The following CARD18 variants were observed in gnomAD, a reference collection of about 807,000 sequenced individuals.
CARD18 encodes the protein caspase recruitment domain-containing protein 18.
Under a neutral mutation model 7.9 loss-of-function variants are expected in CARD18, and 7 were observed. The observed-to-expected ratio is 0.88, with a 90% confidence interval of 0.50 to 1.66. CARD18 has a LOEUF of 1.66. Ranked by LOEUF, CARD18 falls within the 40% of genes most tolerant of loss-of-function variation. The probability of loss-of-function intolerance (pLI) is 0.00; values close to 1 mark genes in which losing one functional copy is unlikely to be tolerated. For synonymous variants in CARD18, 34 were observed against 34.8 expected, an observed-to-expected ratio of 0.98 and a Z score of 0.08; for missense variants, 134 against 105.5, an observed-to-expected ratio of 1.27 and a Z score of -1.18.
intron 2 of CARD18, among the ~76,000 whole-genome samples, 190 bp from the exon 3 acceptor site, chr11:105,138,288 A>G (rs1865430990): frequency 1.3e-5 from 2 of 152,202 alleles, no homozygotes; most frequent in Admixed American, 1.3e-4. Flanking sequence ...GAATCCATAT[A>G]TAATTTCATG....
chr11:105,139,003 C>A lies in CARD18; in HGVS notation c.83G>T (p.Cys28Phe). ...GAGTINALLD[C>F]LLEDEVISQE... ...GCTAATAACTTCATCCTCTAATAGG[C>A]AATCCAGCAAGGCATTTATTGTGCC... is the stretch of plus-strand genomic sequence containing the variant. The change falls in exon 2 of 3, where the codon TGC becomes TTC. Residue 28 changes from cysteine to phenylalanine, a missense_variant. By Grantham distance (205) the Cys-to-Phe change is radical (BLOSUM62 -2). Transcript: ENST00000530950. The A allele has an allele frequency of 6.2e-7, 1 of 1,613,644 alleles. No individual in the cohort carries two copies. The highest frequency in any genetic ancestry group is 8.5e-7 in the Non-Finnish European group (1 of 1,179,672).
intron 2 of CARD18, among the ~76,000 whole-genome samples, chr11:105,138,516 A>G (rs1302970457): frequency 6.6e-6 from 1 of 152,124 alleles, no homozygotes; most frequent in Non-Finnish European, 1.5e-5. Flanking sequence ...CCCCAGGACC[A>G]TTAAAAGATT....
intron 1 of CARD18, 104 bp from the exon 2 acceptor site, chr11:105,139,182 A>G (rs771436889): frequency 2.4e-5 from 30 of 1,272,270 alleles, no homozygotes; most frequent in Middle Eastern, 5.5e-4. Context: ...CCACAAGTAC[A>G]GTAATCCCAA....
chr11:105,137,845 G>A lies in CARD18; in HGVS notation c.*255C>T, dbSNP rs907434153. On this transcript the variant is annotated 3_prime_UTR_variant, in exon 3 of 3. Coordinates refer to ENST00000530950, the MANE Select transcript of CARD18 (RefSeq NM_021571.4). ...TAAACAGAAAGGAAGGGAAAGGGAG[G>A]GACTTTCTTAATTACATTACAATCA... 3 of 151,958 alleles carry A rather than the reference G, an allele frequency of 2.0e-5. No individual in the cohort carries two copies. The highest frequency in any genetic ancestry group is 6.6e-5 in the Admixed American group (1 of 15,234). The allele number at this position is 151,958 out of a possible 1,614,324, so 9.4% of individuals were successfully genotyped here. A position where few individuals can be genotyped will look rare whatever the true frequency, so the allele number is the denominator to read the frequency against.
intron 1 of CARD18, chr11:105,139,418 A>G: frequency 1.9e-6 from 1 of 540,480 alleles, no homozygotes; most frequent in Non-Finnish European, 3.3e-6. Context: ...CTTTGAGAAC[A>G]ACAGCTACTG....
intron 1 of CARD18, 71 bp downstream of exon 1, chr11:105,139,649 T>G: frequency 6.5e-7 from 1 of 1,543,824 alleles, no homozygotes; most frequent in Non-Finnish European, 8.8e-7. Context: ...TCACAAAGCC[T>G]AATGAGAAAG....
intron 1 of CARD18, 168 bp downstream of exon 1, chr11:105,139,552 A>G: frequency 3.1e-6 from 2 of 652,396 alleles, no homozygotes; most frequent in Non-Finnish European, 5.2e-6. Context: ...CTGTTCCTTC[A>G]AAAACGCTGT....
In CARD18 at chr11:105,138,776, C is replaced by T. The variant is rs375415027; in HGVS notation, c.*1+36G>A. On this transcript the variant is annotated intron_variant, in intron 2 of 2. Transcript: ENST00000530950. ...TCATAACTGAATTCAAGATACAGGG[C>T]CTATTTGGACATTAGGTTGAATCAT... The T allele has an allele frequency of 1.9e-5, 31 of 1,604,964 alleles. No individual in the cohort carries two copies. In the Middle Eastern group the frequency reaches 8.3e-4, roughly 43 times the overall value.
At chr11:105,138,448 T>G (rs1385919284) in intron 2 of CARD18, among the ~76,000 whole-genome samples, 3 of 152,148 alleles carry the variant, frequency 2.0e-5, no homozygotes, top group African/African-American at 4.8e-5. Flanking sequence ...TTATACCTTC[T>G]CTTCTAATAA....
chr11:105,138,825 C>G lies in CARD18; in HGVS notation c.261G>C (p.Met87Ile), dbSNP rs776518791. The stretch of plus-strand genomic sequence containing the variant: ...ATTCCACCTTACCTTAGTGCAAACC[C>G]ATCTTTGAGGCAAGTTGAGGGTCTT... ...CEEDPQLASK[M>I]GLH Residue 87 changes from methionine to isoleucine, a missense_variant, in exon 2 of 3, where the codon ATG (methionine) becomes ATC (isoleucine). Coordinates refer to ENST00000530950, the MANE Select transcript of CARD18 (RefSeq NM_021571.4). 16 of 1,613,496 alleles carry G rather than the reference C, an allele frequency of 9.9e-6. No individual in the cohort carries two copies. The highest frequency in any genetic ancestry group is 1.4e-5 in the Non-Finnish European group (16 of 1,179,582).
chr11:105,138,799 C>CA lies in CARD18; in HGVS notation c.*1+12dup. ...GGCCTATTTGGACATTAGGTTGAATCATTCCACCTTACCTTAGTGCAAACC... is the reference window on the plus strand; with the variant it reads ...GGCCTATTTGGACATTAGGTTGAATCAATTCCACCTTACCTTAGTGCAAACC... On this transcript the variant is annotated intron_variant, in intron 2 of 2. Coordinates refer to ENST00000530950, the MANE Select transcript of CARD18 (RefSeq NM_021571.4). 2 of 1,612,170 alleles carry CA rather than the reference C, an allele frequency of 1.2e-6. No individual in the cohort carries two copies. Among genetic ancestry groups the CA allele is most frequent in the Non-Finnish European group, 1.7e-6 (2 of 1,178,658 alleles).
chr11:105,138,752 C>T lies in CARD18; in HGVS notation c.*1+60G>A, dbSNP rs922447846. 4.5e-6 allele frequency: 7 copies of T among 1,564,864 alleles called. No individual in the cohort carries two copies. The Admixed American group carries it at 8.8e-5, about 20-fold the overall frequency. Reference sequence around the variant, plus strand: ...AACTGACAAGACAAGTGAAGAAAATCATAACTGAATTCAAGATACAGGGCC... The same window carrying T: ...AACTGACAAGACAAGTGAAGAAAATTATAACTGAATTCAAGATACAGGGCC... On this transcript the variant is annotated intron_variant, in intron 2 of 2. Coordinates refer to ENST00000530950, the MANE Select transcript of CARD18 (RefSeq NM_021571.4).
Position 105,139,000 on chromosome 11 carries a change from A to T in CARD18, c.86T>A (p.Leu29Gln). 1 of 1,613,656 alleles carries T rather than the reference A, an allele frequency of 6.2e-7. No homozygotes were observed. Among genetic ancestry groups the T allele is most frequent in the Non-Finnish European group, 8.5e-7 (1 of 1,179,684 alleles). ...CTGGCTAATAACTTCATCCTCTAAT[A>T]GGCAATCCAGCAAGGCATTTATTGT... ...AGTINALLDC[L>Q]LEDEVISQED... Residue 29 changes from leucine (L) to glutamine (Q), a missense_variant, in exon 2 of 3, where the codon CTA becomes CAA. Transcript: ENST00000530950.
At position 105,137,906 on chromosome 11, in the gene CARD18, G is replaced by T. The variant is rs1055814218; in HGVS notation, c.*194C>A. On this transcript the variant is annotated 3_prime_UTR_variant, in exon 3 of 3. Transcript: ENST00000530950. ...CATTATTATTGATGAATTATCCTCT[G>T]TTGGTATGAGGAGAGAAAGAATAAG... is the stretch of plus-strand genomic sequence containing the variant. 1.3e-5 allele frequency: 2 copies of T among 152,142 alleles called. No homozygotes were observed. Among genetic ancestry groups the T allele is most frequent in the Admixed American group, 6.6e-5 (1 of 15,254 alleles). 9.4% of individuals were successfully genotyped at this position (152,142 alleles called of 1,614,324 possible).
chr11:105,139,414 G>T, intron 1 of CARD18: 1 of 535,546 alleles, frequency 1.9e-6, no homozygotes. Flanking sequence ...TTTCCTTTGA[G>T]AACAACAGCT....
rs1565260238 is a variant in CARD18, at chr11:105,138,977, G to C, written c.109C>G (p.Gln37Glu). ...TCTCTCACTTTGTTCATGTCTTCCT[G>C]GCTAATAACTTCATCCTCTAATAGG... ...DCLLEDEVISQEDMNKVRDEN... is the reference protein window; with the variant it reads ...DCLLEDEVISEEDMNKVRDEN... Residue 37 changes from glutamine (Q) to glutamate (E), a missense_variant, in exon 2 of 3, where the codon CAG becomes GAG. Physicochemically the swap from Gln to Glu is conservative, Grantham distance 29 (BLOSUM62 2). Transcript: ENST00000530950. The C allele has an allele frequency of 6.2e-7, 1 of 1,613,594 alleles. No homozygotes were observed. The highest frequency in any genetic ancestry group is 2.2e-5 in the East Asian group (1 of 44,844).
At chr11:105,139,241 C>A in intron 1 of CARD18, 163 bp from the exon 2 acceptor site, 1 of 711,256 alleles carries the variant, frequency 1.4e-6, no homozygotes, top group Admixed American at 3.0e-5. Context: ...CCTTCTGATT[C>A]TAGCATTACC....
At position 105,138,885 on chromosome 11, in the gene CARD18, C is replaced by G. The variant is rs1262701432; in HGVS notation, c.201G>C (p.Lys67Asn). 1 of 1,613,710 alleles carries G rather than the reference C, an allele frequency of 6.2e-7. No homozygotes were observed. Among genetic ancestry groups the G allele is most frequent in the Non-Finnish European group, 8.5e-7 (1 of 1,179,704 alleles). Residue 67 changes from lysine (K) to asparagine (N), a missense_variant, in exon 2 of 3, where the codon AAG (lysine) becomes AAC (asparagine). Coordinates refer to ENST00000530950, the MANE Select transcript of CARD18 (RefSeq NM_021571.4). ...LIDLVTGKGP[K>N]SCCKFIKHLC... Reference sequence around the variant, plus strand: ...GATGCTTGATAAATTTGCAGCAAGACTTGGGTCCTTTTCCAGTAACAAGGT... The same window carrying G: ...GATGCTTGATAAATTTGCAGCAAGAGTTGGGTCCTTTTCCAGTAACAAGGT...
chr11:105,139,005 A>C lies in CARD18; in HGVS notation c.81T>G (p.Asp27Glu), dbSNP rs1470819296. 1.2e-6 allele frequency: 2 copies of C among 1,613,672 alleles called. No individual in the cohort carries two copies. The highest frequency in any genetic ancestry group is 1.7e-6 in the Non-Finnish European group (2 of 1,179,720). The change falls in exon 2 of 3, where the codon GAT (aspartate) becomes GAG (glutamate). Residue 27 changes from aspartate (D) to glutamate (E), a missense_variant. Coordinates refer to ENST00000530950, the MANE Select transcript of CARD18 (RefSeq NM_021571.4). ...VGAGTINALL[D>E]CLLEDEVISQ... ...TAATAACTTCATCCTCTAATAGGCA[A>C]TCCAGCAAGGCATTTATTGTGCCTG...
Sources: allele counts gnomAD v4.1 joint callset (sites outside exome capture counted in the v4.1 genomes callset), GRCh38; gene constraint gnomAD v4.1.1; transcripts MANE v1.5; gene names NCBI Gene and HGNC (gene_info 2026-07-23, HGNC 2026-07-21).